CDH13: variants seen among roughly 807,000 people sequenced by gnomAD.
The protein encoded by CDH13 is cadherin 13.
A neutral mutation model predicts 63.8 loss-of-function variants in CDH13; 24 were observed. The observed-to-expected ratio is 0.38, with a 90% CI of 0.27 to 0.53. CDH13 has a LOEUF of 0.53. CDH13 is among the 20% of genes least tolerant of loss of function. The pLI is 0.85. For synonymous variants in CDH13, 503 were observed against 355.3 expected, an observed-to-expected ratio of 1.42 and a Z score of -4.67; for missense variants, 1,049 against 903.1, an observed-to-expected ratio of 1.16 and a Z score of -2.07.
intron 6 of CDH13, among the ~76,000 whole-genome samples, chr16:83,374,435 C>G (rs868678883): frequency 6.6e-6 from 1 of 152,150 alleles, no homozygotes. Flanking sequence ...CATATTTTTT[C>G]TCTGATAAAG....
intron 1 of CDH13, among the ~76,000 whole-genome samples, chr16:82,682,047 A>G (rs1339208773): frequency 1.3e-5 from 2 of 152,250 alleles, no homozygotes; most frequent in African/African-American, 2.4e-5. Flanking sequence ...CTCAGGATTT[A>G]TAATAACTAC....
chr16:83,032,916 G>C (rs1318793012), intron 3 of CDH13, among the ~76,000 whole-genome samples: 3 of 152,180 alleles, frequency 2.0e-5, no homozygotes, highest in African/African-American at 4.8e-5. Context: ...CACTAGAATT[G>C]TATATGGTGC....
chr16:82,861,092 C>T (rs1358261660), intron 2 of CDH13, among the ~76,000 whole-genome samples: 4 of 152,162 alleles, frequency 2.6e-5, no homozygotes, highest in African/African-American at 9.7e-5. Context: ...AAGAACCAAA[C>T]AGAACCAGAA....
intron 2 of CDH13, among the ~76,000 whole-genome samples, chr16:82,881,916 G>A (rs527422283): frequency 1.2e-4 from 18 of 152,252 alleles, no homozygotes; most frequent in African/African-American, 3.9e-4. Flanking sequence ...AGCTTCTGTG[G>A]CAGTGCTTAC....
At chr16:83,606,157 G>T (rs1486040770) in intron 8 of CDH13, among the ~76,000 whole-genome samples, 1 of 152,194 alleles carries the variant, frequency 6.6e-6, no homozygotes, top group African/African-American at 2.4e-5. Flanking sequence ...AAATAGAAAT[G>T]GTGATCATTT....
intron 3 of CDH13, among the ~76,000 whole-genome samples, chr16:83,064,246 G>A (rs1010331338): frequency 3.9e-5 from 6 of 152,160 alleles, no homozygotes; most frequent in African/African-American, 1.4e-4. Flanking sequence ...GCATGCACCT[G>A]TGATCCCAGC....
At chr16:83,779,394 G>A (rs1191033241) in intron 11 of CDH13, among the ~76,000 whole-genome samples, 9 of 86,436 alleles carry the variant, frequency 1.0e-4, no homozygotes, top group South Asian at 8.6e-4. Context: ...GCGACAGCGC[G>A]AGACTCCATC....
intron 1 of CDH13, among the ~76,000 whole-genome samples, chr16:82,646,936 C>A (rs546011622): frequency 6.6e-6 from 1 of 152,084 alleles, no homozygotes; most frequent in Non-Finnish European, 1.5e-5. Context: ...GTGAAGGCAA[C>A]GTGAGATTGG....
chr16:83,206,459 G>T (rs755401769), intron 4 of CDH13, among the ~76,000 whole-genome samples: 2 of 152,190 alleles, frequency 1.3e-5, no homozygotes, highest in Non-Finnish European at 2.9e-5. Flanking sequence ...CTGAGGAGCT[G>T]TGCCCTGGAT....
chr16:82,792,862 A>G (rs1221044035), intron 1 of CDH13, among the ~76,000 whole-genome samples: 1 of 152,224 alleles, frequency 6.6e-6, no homozygotes, highest in Non-Finnish European at 1.5e-5. Flanking sequence ...GCCAAGCGCT[A>G]ATTGATTTGT....
chr16:83,168,514 T>C (rs1250833782), intron 4 of CDH13, among the ~76,000 whole-genome samples: 1 of 152,086 alleles, frequency 6.6e-6, no homozygotes, highest in Admixed American at 6.6e-5. Flanking sequence ...CAACTTTACC[T>C]AACTTCTCCA....
At position 83,527,679 on chromosome 16, in the gene CDH13, G is replaced by A. The variant is rs79963346; in HGVS notation, c.960+41024G>A. Among the ~76,000 whole-genome samples, 1,217 of 152,206 alleles carry A rather than the reference G, an allele frequency of 8.0e-3. 20 individuals are homozygous for A. The highest frequency in any genetic ancestry group is 0.028 in the African/African-American group (1,166 of 41,532). ...TATATACACCTGACCCAGGTGCTAC[G>A]AAAGGACCCAGTAAGCAAATGCTGA... is the stretch of plus-strand genomic sequence containing the variant. On this transcript the variant is annotated intron_variant, in intron 7 of 13. Transcript: ENST00000567109.
chr16:83,343,090 A>G (rs995850588), intron 5 of CDH13, among the ~76,000 whole-genome samples: 5 of 151,966 alleles, frequency 3.3e-5, no homozygotes, highest in African/African-American at 1.2e-4. Flanking sequence ...TTTTCTTATT[A>G]CATGCATTAT....
Position 83,000,220 on chromosome 16 carries a change from C to CTTTTTTTTTTTTTTTTTTTT in CDH13, c.158-31788_158-31787insTTTTTTTTTTTTTTTTTTTT, listed in dbSNP as rs1567731430. ...TCCCTAGGAATATCCACAGGTTTAG[C>CTTTTTTTTTTTTTTTTTTTT]TTATTTTTTTTTTTTTTTTTTTTTT... is the stretch of plus-strand genomic sequence containing the variant. On this transcript the variant is annotated intron_variant, in intron 2 of 13. Coordinates refer to ENST00000567109, the MANE Select transcript of CDH13 (RefSeq NM_001257.5). Among the ~76,000 whole-genome samples the CTTTTTTTTTTTTTTTTTTTT allele has an allele frequency of 3.2e-4, 11 of 33,948 alleles. 2 individuals are homozygous for CTTTTTTTTTTTTTTTTTTTT. Among genetic ancestry groups the CTTTTTTTTTTTTTTTTTTTT allele is most frequent in the African/African-American group, 5.2e-4 (5 of 9,652 alleles). The allele number at this position is 33,948 out of a possible 152,430, so 22.3% of individuals were successfully genotyped here.
At chr16:82,761,198 A>G (rs192871733) in intron 1 of CDH13, among the ~76,000 whole-genome samples, 237 of 150,588 alleles carry the variant, frequency 1.6e-3, no homozygotes, top group Non-Finnish European at 2.9e-3. Context: ...CAATTTTTGT[A>G]TTTTTGACGG....
intron 6 of CDH13, among the ~76,000 whole-genome samples, chr16:83,410,232 C>A (rs1274391922): frequency 6.6e-6 from 1 of 152,186 alleles, no homozygotes; most frequent in Non-Finnish European, 1.5e-5. Flanking sequence ...TCTAAATAGA[C>A]AAGGTTCAAT....
rs550248267 is a variant in CDH13, at chr16:83,044,148, G to C, written c.366+11930G>C. On this transcript the variant is annotated intron_variant, in intron 3 of 13. Transcript: ENST00000567109. ...TCCATCTGTTTTTCTCCTATAGCTAGCCTGTTCCTATATTCCAGATGCAGA... is the reference window on the plus strand; with the variant it reads ...TCCATCTGTTTTTCTCCTATAGCTACCCTGTTCCTATATTCCAGATGCAGA... 2.9e-4 allele frequency among the ~76,000 whole-genome samples: 44 copies of C among 152,182 alleles called. No homozygotes were observed. The Middle Eastern group carries it at 0.01, about 35-fold the overall frequency.
chr16:82,841,425 T>A (rs2039005136), intron 1 of CDH13, among the ~76,000 whole-genome samples: 1 of 152,160 alleles, frequency 6.6e-6, no homozygotes, highest in Admixed American at 6.5e-5. Flanking sequence ...ACTTTCAAGG[T>A]CAAATTGATT....
At chr16:83,499,921 G>A (rs1370982475) in intron 7 of CDH13, among the ~76,000 whole-genome samples, 1 of 152,132 alleles carries the variant, frequency 6.6e-6, no homozygotes, top group Non-Finnish European at 1.5e-5. Flanking sequence ...TTCTGCTTCA[G>A]CCTCCCAAGT....
Sources: gnomAD v4.1 joint callset for allele counts (sites outside exome capture counted in the v4.1 genomes callset) on GRCh38, gnomAD v4.1.1 for gene constraint, MANE v1.5 for transcripts, NCBI Gene and HGNC (gene_info 2026-07-23, HGNC 2026-07-21) for gene names.